Variants in SART3 observed in about 807,000 individuals in gnomAD.
SART3 encodes the protein spliceosome associated factor 3, U4/U6 recycling protein.
Under a neutral mutation model 122.3 loss-of-function variants are expected in SART3, and 44 were observed. The ratio of observed to expected loss-of-function variants is 0.36; its 90% CI spans 0.28 to 0.46. SART3 has a LOEUF of 0.46. SART3 is among the 20% of genes least tolerant of loss of function. The probability of loss-of-function intolerance (pLI) is 1.00; values close to 1 mark genes in which losing one functional copy is unlikely to be tolerated. For synonymous variants in SART3, 442 were observed against 454.0 expected, an observed-to-expected ratio of 0.97 and a Z score of 0.34; for missense variants, 1,101 against 1,229.0, an observed-to-expected ratio of 0.90 and a Z score of 1.56.
intron 1 of SART3, among the ~76,000 whole-genome samples, chr12:108,553,461 C>G (rs1414929617): frequency 6.6e-6 from 1 of 152,132 alleles, no homozygotes; most frequent in East Asian, 1.9e-4. Flanking sequence ...GTTTAAAAAG[C>G]TTTTGTTGGG....
At chr12:108,552,813 G>A (rs1185319419) in intron 1 of SART3, among the ~76,000 whole-genome samples, 3 of 152,086 alleles carry the variant, frequency 2.0e-5, no homozygotes, top group Non-Finnish European at 2.9e-5. Flanking sequence ...ATCCCAACAA[G>A]GTTTTTTGTA....
chr12:108,537,746 G>T (rs1343106766), intron 8 of SART3, 151 bp from the exon 9 acceptor site: 4 of 740,726 alleles, frequency 5.4e-6, no homozygotes, highest in Non-Finnish European at 9.4e-6. Flanking sequence ...GTTGAAGACA[G>T]AAGTTGCTAC....
At chr12:108,538,688 A>T (rs1017637023) in intron 7 of SART3, among the ~76,000 whole-genome samples, 1 of 152,234 alleles carries the variant, frequency 6.6e-6, no homozygotes, top group African/African-American at 2.4e-5. Context: ...TAAAAAGTTA[A>T]AAGAAAAATA....
intron 1 of SART3, among the ~76,000 whole-genome samples, chr12:108,555,925 A>G (rs1229399777): frequency 6.6e-6 from 1 of 152,212 alleles, no homozygotes; most frequent in Non-Finnish European, 1.5e-5. Context: ...AGCCTTAGCA[A>G]TAAGTTAATC....
At chr12:108,526,035 A>T in intron 16 of SART3, 64 bp downstream of exon 16, 1 of 1,260,726 alleles carries the variant, frequency 7.9e-7, no homozygotes, top group Non-Finnish European at 1.2e-6. Flanking sequence ...TCACTGCTGC[A>T]GGAAGAAAGT....
chr12:108,555,004 T>C (rs916984833), intron 1 of SART3, among the ~76,000 whole-genome samples: 2 of 152,196 alleles, frequency 1.3e-5, no homozygotes, highest in African/African-American at 4.8e-5. Context: ...TTATATGAAG[T>C]ATCTAGTCAA....
chr12:108,537,802 G>A (rs757203575), intron 8 of SART3: 16 of 655,886 alleles, frequency 2.4e-5, no homozygotes, highest in East Asian at 1.4e-4. Context: ...TCCACAAGAC[G>A]CCCTGCAAGA....
Position 108,538,979 on chromosome 12 carries a change from C to T in SART3, c.1017G>A (p.Glu339=), listed in dbSNP as rs1373243725. 3.1e-6 allele frequency: 5 copies of T among 1,614,052 alleles called. No homozygotes were observed. In the African/African-American group the frequency reaches 6.7e-5, roughly 22 times the overall value. Residue 339 remains glutamate, a synonymous_variant, in exon 7 of 19, where the codon GAG becomes GAA. Coordinates refer to ENST00000546815, the MANE Select transcript of SART3 (RefSeq NM_014706.4). ...IQLIFERALV[E]NCLVPDLWIR... ...TCCATAAGTCTGGGACAAGGCAGTT[C>T]TCGACCAGGGCGCGCTCAAAGATCA...
Position 108,536,505 on chromosome 12 carries a change from A to T in SART3, c.1446+9T>A, listed in dbSNP as rs1412108939. On this transcript the variant is annotated intron_variant, in intron 11 of 18. Transcript: ENST00000546815. ...GGATGAAAGTGCTAGATGTGTCAAA[A>T]ACATTTACCTCAATCCTAGCCCAGT... 1.2e-6 allele frequency: 2 copies of T among 1,613,858 alleles called. No individual in the cohort carries two copies. Among genetic ancestry groups the T allele is most frequent in the Non-Finnish European group, 1.7e-6 (2 of 1,179,872 alleles).
chr12:108,523,711 G>T, intron 18 of SART3, 77 bp from the exon 19 acceptor site: 12 of 1,304,376 alleles, frequency 9.2e-6, no homozygotes, highest in Non-Finnish European at 1.3e-5. Flanking sequence ...AATAAGCCAA[G>T]ACAGTTTTAA....
Position 108,561,094 on chromosome 12 carries a change from T to TGGGCCCAGCCTTGGACTCAGCCTC in SART3, c.37_60dup (p.Glu13_Pro20dup). ...ACCTCATCCTCCTCTCCGTCAGCCT[T>TGGGCCCAGCCTTGGACTCAGCCTC]GGGCCCAGCCTTGGACTCAGCCTCG... On this transcript the variant is annotated inframe_insertion, in exon 1 of 19. Transcript: ENST00000546815. 6.2e-7 allele frequency: 1 copy of TGGGCCCAGCCTTGGACTCAGCCTC among 1,614,142 alleles called. No individual in the cohort carries two copies. The highest frequency in any genetic ancestry group is 1.3e-5 in the African/African-American group (1 of 75,046).
chr12:108,530,013 C>G (rs1872588158), intron 15 of SART3, 129 bp downstream of exon 15: 1 of 1,090,656 alleles, frequency 9.2e-7, no homozygotes, highest in Non-Finnish European at 1.4e-6. Context: ...AGACATACAC[C>G]CTAACAGTGA....
chr12:108,537,770 CTG>C, intron 8 of SART3, 175 bp from the exon 9 acceptor site: 1 of 678,312 alleles, frequency 1.5e-6, no homozygotes, highest in Non-Finnish European at 2.5e-6. Context: ...ACTCTACAGA[CTG>C]TGTTCTAGAA....
intron 15 of SART3, 92 bp from the exon 16 acceptor site, chr12:108,526,645 G>A: frequency 1.5e-6 from 2 of 1,346,558 alleles, no homozygotes; most frequent in East Asian, 4.6e-5. Flanking sequence ...TGCTGTGACA[G>A]CTGCATGTGA....
intron 1 of SART3, among the ~76,000 whole-genome samples, chr12:108,557,101 T>C (rs1010313445): frequency 4.6e-5 from 7 of 152,004 alleles, no homozygotes; most frequent in African/African-American, 1.7e-4. Flanking sequence ...ATTAAATACA[T>C]ACTGAAATGC....
chr12:108,523,827 A>G lies in SART3; in HGVS notation c.2715-193T>C, dbSNP rs927588177. On this transcript the variant is annotated intron_variant, in intron 18 of 18. Coordinates refer to ENST00000546815, the MANE Select transcript of SART3 (RefSeq NM_014706.4). The stretch of plus-strand genomic sequence containing the variant: ...TGCTTCAACAGACTTGGCCTTGTTC[A>G]GTTTTGGCAAAGATCAACCCTGAGC... The G allele has an allele frequency of 1.4e-5, 9 of 641,568 alleles. No individual in the cohort carries two copies. In the African/African-American group the frequency reaches 1.5e-4, roughly 10 times the overall value. 39.7% of individuals were successfully genotyped at this position (641,568 alleles called of 1,614,324 possible).
intron 1 of SART3, among the ~76,000 whole-genome samples, chr12:108,556,482 G>A (rs758482481): frequency 5.9e-5 from 9 of 152,162 alleles, no homozygotes; most frequent in Non-Finnish European, 1.2e-4. Context: ...ATAAGAACAT[G>A]ATCTCTAAGT....
chr12:108,560,619 CAG>C (rs2030475823), intron 1 of SART3: 1 of 503,602 alleles, frequency 2.0e-6, no homozygotes, highest in African/African-American at 2.0e-5. Context: ...GGATAGATAA[CAG>C]GGCTTCCTTC....
chr12:108,529,772 G>A (rs1030584781), intron 15 of SART3, among the ~76,000 whole-genome samples: 11 of 151,916 alleles, frequency 7.2e-5, no homozygotes, highest in South Asian at 4.2e-4. Context: ...ACAGCAACTG[G>A]CCTGCCCCCT....
Sources: allele counts gnomAD v4.1 joint callset (sites outside exome capture counted in the v4.1 genomes callset), GRCh38; gene constraint gnomAD v4.1.1; transcripts MANE v1.5; gene names NCBI Gene and HGNC (gene_info 2026-07-23, HGNC 2026-07-21).